The following GNAT3 variants were observed in gnomAD, a reference collection of about 807,000 sequenced individuals.
GNAT3 encodes G protein subunit alpha transducin 3, also known as guanine nucleotide-binding protein G(t) subunit alpha-3.
Under a neutral mutation model 37.7 loss-of-function variants are expected in GNAT3, and 31 were observed. The observed-to-expected ratio is 0.82, with a 90% CI of 0.62 to 1.11. The LOEUF is 1.11. Among genes scored for constraint, GNAT3 ranks in the 50% most tolerant of loss-of-function variants. The probability of loss-of-function intolerance (pLI) is 0.00; values close to 1 mark genes in which losing one functional copy is unlikely to be tolerated. For missense variants in GNAT3, 437 were observed against 412.5 expected, an observed-to-expected ratio of 1.06 and a Z score of -0.51; for synonymous variants, 138 against 139.8, an observed-to-expected ratio of 0.99 and a Z score of 0.09.
chr7:80,491,116 C>T (rs533797354), intron 2 of GNAT3, among the ~76,000 whole-genome samples: 3 of 152,126 alleles, frequency 2.0e-5, no homozygotes, highest in Admixed American at 2.0e-4. Flanking sequence ...GGTAGAAGCT[C>T]CTTAGGAAGA....
chr7:80,474,161 C>T lies in GNAT3; in HGVS notation c.590+90G>A, dbSNP rs979392329. ...GTGAGTACATCCAAGGATTATTGAA[C>T]CTGAACATGGGCTAGAGCTTTTCTC... On this transcript the variant is annotated intron_variant, in intron 5 of 7. Transcript: ENST00000398291. The T allele has an allele frequency of 1.9e-5, 24 of 1,296,982 alleles. No individual in the cohort carries two copies. In the African/African-American group the frequency reaches 3.3e-4, roughly 18 times the overall value. 80.3% of individuals were successfully genotyped at this position (1,296,982 alleles called of 1,614,324 possible). A position where few individuals can be genotyped will look rare whatever the true frequency, so the allele number is the denominator to read the frequency against.
intron 5 of GNAT3, among the ~76,000 whole-genome samples, chr7:80,471,087 A>C (rs946781397): frequency 6.7e-6 from 1 of 150,150 alleles, no homozygotes; most frequent in African/African-American, 2.4e-5. Flanking sequence ...CTCCCAGCCT[A>C]CATCTTTCTA....
chr7:80,489,518 C>A (rs774618101), intron 2 of GNAT3, among the ~76,000 whole-genome samples: 6 of 151,954 alleles, frequency 3.9e-5, no homozygotes, highest in Non-Finnish European at 7.4e-5. Flanking sequence ...CGTATAAAGG[C>A]TTTAGCATGG....
At chr7:80,459,629 T>TA (rs1181381810) in intron 7 of GNAT3, among the ~76,000 whole-genome samples, 1 of 152,108 alleles carries the variant, frequency 6.6e-6, no homozygotes, top group East Asian at 1.9e-4. Context: ...ACAAGTAGGC[T>TA]AAAAAATACA....
intron 2 of GNAT3, among the ~76,000 whole-genome samples, chr7:80,488,915 T>C (rs928226338): frequency 6.6e-6 from 1 of 152,148 alleles, no homozygotes; most frequent in Non-Finnish European, 1.5e-5. Context: ...TAGGATTTGT[T>C]ATTTAAAAAT....
chr7:80,509,956 A>C (rs564005647), intron 1 of GNAT3, among the ~76,000 whole-genome samples: 25 of 152,306 alleles, frequency 1.6e-4, no homozygotes, highest in African/African-American at 6.0e-4. Flanking sequence ...GTATTACTTC[A>C]CAGTTATCAT....
intron 3 of GNAT3, among the ~76,000 whole-genome samples, chr7:80,481,082 A>C (rs1790384720): frequency 6.6e-6 from 1 of 152,118 alleles, no homozygotes; most frequent in South Asian, 2.1e-4. Flanking sequence ...CCATTTTATC[A>C]AAAATCTGTT....
At chr7:80,488,300 A>T (rs1416675381) in intron 3 of GNAT3, among the ~76,000 whole-genome samples, 6 of 152,158 alleles carry the variant, frequency 3.9e-5, no homozygotes, top group Non-Finnish European at 5.9e-5. Context: ...ATTTGATATT[A>T]AGTTTAATCC....
At chr7:80,494,804 T>A (rs1431362157) in intron 1 of GNAT3, among the ~76,000 whole-genome samples, 157 bp from the exon 2 acceptor site, 1 of 152,152 alleles carries the variant, frequency 6.6e-6, no homozygotes, top group East Asian at 1.9e-4. Context: ...AGTGGTGAAG[T>A]CTGGTCTTTT....
chr7:80,481,831 A>G (rs999639838), intron 3 of GNAT3, among the ~76,000 whole-genome samples: 5 of 152,156 alleles, frequency 3.3e-5, no homozygotes, highest in African/African-American at 4.8e-5. Flanking sequence ...ACTCCTTTCT[A>G]CTGATTCTAG....
At chr7:80,505,045 G>A (rs1310361695) in intron 1 of GNAT3, among the ~76,000 whole-genome samples, 1 of 152,206 alleles carries the variant, frequency 6.6e-6, no homozygotes, top group Non-Finnish European at 1.5e-5. Flanking sequence ...AGAATTTACA[G>A]AGGGATCAGG....
intron 5 of GNAT3, among the ~76,000 whole-genome samples, chr7:80,473,782 GT>G (rs1790256949): frequency 6.6e-6 from 1 of 151,986 alleles, no homozygotes; most frequent in Non-Finnish European, 1.5e-5. Flanking sequence ...AATATGCCTT[GT>G]TATTGCAGTA....
intron 1 of GNAT3, among the ~76,000 whole-genome samples, chr7:80,507,398 G>T (rs1336472401): frequency 6.6e-6 from 1 of 151,816 alleles, no homozygotes; most frequent in Non-Finnish European, 1.5e-5. Context: ...TGAGTCTTGA[G>T]TCCTCACTTC....
At chr7:80,479,875 A>G (rs1790364280) in intron 3 of GNAT3, among the ~76,000 whole-genome samples, 1 of 152,106 alleles carries the variant, frequency 6.6e-6, no homozygotes, top group African/African-American at 2.4e-5. Flanking sequence ...ATATTTTTGA[A>G]CATCCCTGTA....
intron 5 of GNAT3, among the ~76,000 whole-genome samples, chr7:80,465,783 G>T (rs1386863848): frequency 6.6e-6 from 1 of 152,000 alleles, no homozygotes; most frequent in Non-Finnish European, 1.5e-5. Context: ...CTTCTGGGAG[G>T]TTTCGTTCTT....
At chr7:80,463,443 CT>C (rs1381944934) in intron 5 of GNAT3, among the ~76,000 whole-genome samples, 2 of 152,100 alleles carry the variant, frequency 1.3e-5, no homozygotes, top group Non-Finnish European at 2.9e-5. Flanking sequence ...CACACAGTCT[CT>C]TTCCTTTTCC....
chr7:80,499,012 A>G (rs556433778), intron 1 of GNAT3, among the ~76,000 whole-genome samples: 2 of 152,292 alleles, frequency 1.3e-5, no homozygotes, highest in African/African-American at 2.4e-5. Flanking sequence ...TTGATTGCTC[A>G]TTTTGGATGA....
At chr7:80,507,084 T>C (rs998694677) in intron 1 of GNAT3, among the ~76,000 whole-genome samples, 3 of 151,924 alleles carry the variant, frequency 2.0e-5, no homozygotes, top group Admixed American at 6.6e-5. Context: ...TTGTTTTACA[T>C]GTTGTTAAGA....
At chr7:80,478,761 A>C in intron 4 of GNAT3, 80 bp downstream of exon 4, 1 of 1,349,284 alleles carries the variant, frequency 7.4e-7, no homozygotes, top group Non-Finnish European at 1.0e-6. Context: ...ATTTGAATTT[A>C]CAAATGCAAA....
Sources: gnomAD v4.1 joint callset for allele counts (sites outside exome capture counted in the v4.1 genomes callset) on GRCh38, gnomAD v4.1.1 for gene constraint, MANE v1.5 for transcripts, NCBI Gene and HGNC (gene_info 2026-07-23, HGNC 2026-07-21) for gene names.